The following SGK1 variants were observed in gnomAD, a reference collection of about 807,000 sequenced individuals.
SGK1 encodes serine/threonine-protein kinase Sgk1.
A neutral mutation model predicts 64.2 loss-of-function variants in SGK1; 26 were observed. The ratio of observed to expected loss-of-function variants is 0.40; its 90% CI spans 0.30 to 0.56. SGK1 has a LOEUF of 0.56. Among genes scored for constraint, SGK1 ranks in the 20% least tolerant of loss-of-function variants. The pLI, the probability that SGK1 is intolerant of heterozygous loss-of-function variation, is 0.38. For missense variants in SGK1, 519 were observed against 645.6 expected (o/e 0.80, Z 2.12); for synonymous variants, 265 against 239.7 (o/e 1.11, Z -0.98).
chr6:134,237,630 A>G (rs571172585), intron 2 of SGK1, among the ~76,000 whole-genome samples: 2 of 152,266 alleles, frequency 1.3e-5, no homozygotes, highest in South Asian at 2.1e-4. Context: ...GTGAGCCAAG[A>G]TCGTGCCACT....
intron 2 of SGK1, among the ~76,000 whole-genome samples, chr6:134,246,950 C>G (rs1464017611): frequency 1.3e-5 from 2 of 151,988 alleles, no homozygotes; most frequent in Non-Finnish European, 2.9e-5. Context: ...CAAAGCTGGA[C>G]TTTGAACTAA....
intron 2 of SGK1, among the ~76,000 whole-genome samples, chr6:134,253,492 T>C (rs1776636206): frequency 6.6e-6 from 1 of 151,586 alleles, no homozygotes; most frequent in African/African-American, 2.4e-5. Flanking sequence ...TACTAAAATT[T>C]AAAAAAGAAA....
chr6:134,230,119 T>C (rs1016418528), intron 2 of SGK1, among the ~76,000 whole-genome samples: 1 of 152,208 alleles, frequency 6.6e-6, no homozygotes, highest in Non-Finnish European at 1.5e-5. Flanking sequence ...GCAGTTTATG[T>C]AACTCTCCTG....
intron 1 of SGK1, among the ~76,000 whole-genome samples, chr6:134,303,787 GA>G (rs780621173): frequency 2.0e-4 from 23 of 115,256 alleles, no homozygotes; most frequent in East Asian, 7.7e-4. Flanking sequence ...CTGTCTCCAA[GA>G]AAAAAAAAAA....
intron 2 of SGK1, among the ~76,000 whole-genome samples, chr6:134,209,708 G>A (rs796267100): frequency 4.7e-4 from 71 of 152,078 alleles, no homozygotes; most frequent in African/African-American, 1.5e-3. Flanking sequence ...ATGGAGTCTC[G>A]CTTTGTTGCC....
chr6:134,241,048 CTTTTTTTTTTTTTTTTT>C (rs10686058), intron 2 of SGK1, among the ~76,000 whole-genome samples: 1 of 74,080 alleles, frequency 1.3e-5, no homozygotes, highest in Admixed American at 1.3e-4. Flanking sequence ...TTCTTTTTTT[CTTTTTTTTTTTTTTTTT>C]TTGAGACAGG....
chr6:134,309,102 G>C (rs1478058381), intron 1 of SGK1, among the ~76,000 whole-genome samples: 2 of 152,212 alleles, frequency 1.3e-5, no homozygotes, highest in African/African-American at 2.4e-5. Context: ...AAACGTCACA[G>C]CAGGCTCTAG....
Position 134,217,660 on chromosome 6 carries a change from G to A in SGK1, c.286-10229C>T, listed in dbSNP as rs912182472. On this transcript the variant is annotated intron_variant, in intron 2 of 13. Transcript: ENST00000367858. ...TCATAAAGATGATGGTTTGGACCAG[G>A]ATAGCAGGAGTCTGGTCAAGAGATT... Among the ~76,000 whole-genome samples the A allele has an allele frequency of 2.6e-5, 4 of 152,214 alleles. 1 individual carries two copies. The highest frequency in any genetic ancestry group is 4.4e-5 in the Non-Finnish European group (3 of 68,042).
chr6:134,181,786 G>T (rs1466726240), intron 3 of SGK1, among the ~76,000 whole-genome samples: 1 of 152,176 alleles, frequency 6.6e-6, no homozygotes, highest in East Asian at 1.9e-4. Context: ...ATAGTAACCA[G>T]CAATGGAAAA....
At chr6:134,300,820 A>AG (rs1285997247) in intron 1 of SGK1, among the ~76,000 whole-genome samples, 4 of 151,390 alleles carry the variant, frequency 2.6e-5, no homozygotes, top group Admixed American at 6.6e-5. Context: ...TTTAGTAGAG[A>AG]GGGGGGTTTC....
In SGK1 at chr6:134,298,801, T is replaced by TTATTTATTTATA. The variant is rs955757407; in HGVS notation, c.69+18590_69+18591insTATAAATAAATA. The TTATTTATTTATA allele has an allele frequency of 1.0e-5, 3 of 294,610 alleles. No homozygotes were observed. In the Admixed American group the frequency reaches 1.5e-4, roughly 15 times the overall value. 18.2% of individuals were successfully genotyped at this position (294,610 alleles called of 1,614,324 possible). ...ATTCAGCTCTTATTTATTTATTTAT[T>TTATTTATTTATA]TATTTATTTATTTATTTGAGATGGA... On this transcript the variant is annotated intron_variant, in intron 1 of 13. Transcript: ENST00000367858.
At chr6:134,175,235 C>A (rs1276614693) in intron 3 of SGK1, among the ~76,000 whole-genome samples, 1 of 152,212 alleles carries the variant, frequency 6.6e-6, no homozygotes, top group East Asian at 1.9e-4. Flanking sequence ...AGCGCCGAAG[C>A]GCTTCCCGGC....
Position 134,283,963 on chromosome 6 carries a change from C to T in SGK1, c.70-21815G>A, listed in dbSNP as rs115990837. Among the ~76,000 whole-genome samples the T allele has an allele frequency of 5.8e-3, 851 of 146,158 alleles. 9 individuals are homozygous for T. Among genetic ancestry groups the T allele is most frequent in the African/African-American group, 0.018 (733 of 39,714 alleles). On this transcript the variant is annotated intron_variant, in intron 1 of 13. Coordinates refer to ENST00000367858, the MANE Select transcript of SGK1 (RefSeq NM_001143676.3). ...AAAATAATGCATTTTGGGTTTCAGG[C>T]ATTAAATGAGTCCCTTCCTTATAGC... is the stretch of plus-strand genomic sequence containing the variant.
At chr6:134,191,685 T>G (rs1460102016) in intron 3 of SGK1, among the ~76,000 whole-genome samples, 1 of 151,768 alleles carries the variant, frequency 6.6e-6, no homozygotes, top group Non-Finnish European at 1.5e-5. Context: ...TTTTTTTTTT[T>G]TGAGACGAAG....
chr6:134,177,546 A>G, intron 3 of SGK1: 1 of 796,228 alleles, frequency 1.3e-6, no homozygotes. Flanking sequence ...CAAACATTAA[A>G]TTAAGAAACC....
chr6:134,263,181 G>C (rs1205616706), intron 1 of SGK1, among the ~76,000 whole-genome samples: 1 of 152,068 alleles, frequency 6.6e-6, no homozygotes, highest in Non-Finnish European at 1.5e-5. Flanking sequence ...TCTTACAAGG[G>C]AAAATACTAA....
At chr6:134,190,662 A>T (rs757108385) in intron 3 of SGK1, among the ~76,000 whole-genome samples, 2 of 151,952 alleles carry the variant, frequency 1.3e-5, no homozygotes, top group African/African-American at 2.4e-5. Context: ...TAGGGCTTTG[A>T]TTTTCTTGAG....
intron 2 of SGK1, among the ~76,000 whole-genome samples, chr6:134,241,993 A>G (rs1776455338): frequency 6.6e-6 from 1 of 152,066 alleles, no homozygotes; most frequent in African/African-American, 2.4e-5. Flanking sequence ...AGGAAAGCTT[A>G]ATGACCGAAT....
intron 2 of SGK1, among the ~76,000 whole-genome samples, chr6:134,223,194 C>A (rs1776117603): frequency 6.6e-6 from 1 of 151,872 alleles, no homozygotes; most frequent in South Asian, 2.1e-4. Flanking sequence ...CATGGAGAAA[C>A]CTCATCTCTA....
Sources: allele counts gnomAD v4.1 joint callset (sites outside exome capture counted in the v4.1 genomes callset), GRCh38; gene constraint gnomAD v4.1.1; transcripts MANE v1.5; gene names NCBI Gene and HGNC (gene_info 2026-07-23, HGNC 2026-07-21).